The following SLC26A1 variants were observed in gnomAD, a reference collection of about 807,000 sequenced individuals.
The protein encoded by SLC26A1 is solute carrier family 26 member 1.
Under a neutral mutation model 14.5 loss-of-function variants are expected in SLC26A1, and 18 were observed. The ratio of observed to expected loss-of-function variants is 1.24; its 90% CI spans 0.86 to 1.84. The LOEUF (loss-of-function observed/expected upper bound fraction) is 1.84. Ranked by LOEUF, SLC26A1 falls within the 40% of genes most tolerant of loss-of-function variation. The pLI is 0.00. For synonymous variants in SLC26A1, 505 were observed against 492.0 expected, an observed-to-expected ratio of 1.03 and a Z score of -0.35; for missense variants, 1,049 against 1,020.0, an observed-to-expected ratio of 1.03 and a Z score of -0.39.
rs1483773039 is a variant in SLC26A1 at position 991,134 on chromosome 4, A to T, written c.570T>A (p.Leu190=). ...VATALTLMTG[L]YQVLMGVLRL... ...CCCAAGCAGGGCTCCTCACCTGGTA[A>T]AGCCCGGTCATCAGCGTGAGGGCGG... Residue 190 remains leucine, a synonymous_variant, in exon 2 of 3, where the codon CTT becomes CTA. Coordinates refer to ENST00000398516, the MANE Select transcript of SLC26A1 (RefSeq NM_022042.4). 2.0e-6 allele frequency: 3 copies of T among 1,538,452 alleles called. No individual in the cohort carries two copies. In the South Asian group the frequency reaches 3.8e-5, roughly 19 times the overall value.
chr4:980,552 C>CT (rs1431290899), intron 2 of SLC26A1, among the ~76,000 whole-genome samples: 8 of 148,328 alleles, frequency 5.4e-5, no homozygotes, highest in Non-Finnish European at 1.0e-4. Context: ...CGCCACTGCA[C>CT]TCCAGCCTGG....
At chr4:987,415 C>T (rs1400643510), downstream of SLC26A1, among the ~76,000 whole-genome samples, 1 of 152,164 alleles carries the variant, frequency 6.6e-6, no homozygotes, top group African/African-American at 2.4e-5. Flanking sequence ...GAGTGGGCGC[C>T]GGGGCGTGAG....
intron 2 of SLC26A1, among the ~76,000 whole-genome samples, chr4:981,713 CTCT>C (rs1448448350): frequency 1.3e-5 from 2 of 152,232 alleles, no homozygotes; most frequent in African/African-American, 2.4e-5. Flanking sequence ...CATTGGCAGC[CTCT>C]TCTTAGCCGG....
rs1714054773 is a variant in SLC26A1 at position 989,523 on chromosome 4, C to T, written c.1416G>A (p.Leu472=). 1 of 1,554,572 alleles carries T rather than the reference C, an allele frequency of 6.4e-7. No homozygotes were observed. The highest frequency in any genetic ancestry group is 8.7e-7 in the Non-Finnish European group (1 of 1,149,926). Residue 472 remains leucine (L), a synonymous_variant, in exon 3 of 3, where the codon CTG becomes CTA. Coordinates refer to ENST00000398516, the MANE Select transcript of SLC26A1 (RefSeq NM_022042.4). ...RLWRMSPADA[L]VWAGTAATCM... The stretch of plus-strand genomic sequence containing the variant: ...AGGTGGCCGCGGTGCCTGCCCAGAC[C>T]AGCGCGTCAGCCGGGCTCATCCGCC...
chr4:979,502 C>G, exon 3 of SLC26A1: 1 of 1,613,520 alleles, frequency 6.2e-7, no homozygotes, highest in Non-Finnish European at 8.5e-7. Flanking sequence ...TACCCCAGGA[C>G]GTCTGGAAGG....
rs539959255 is a variant in SLC26A1, at chr4:988,303, G to A, written c.*530C>T. ...AGGTCTCATCGGTCACAGCACCCTGGGCCCTGACGCTGGTGCAGGTGGCCA... is the reference window on the plus strand; with the variant it reads ...AGGTCTCATCGGTCACAGCACCCTGAGCCCTGACGCTGGTGCAGGTGGCCA... On this transcript the variant is annotated 3_prime_UTR_variant, in exon 3 of 3. Coordinates refer to ENST00000398516, the MANE Select transcript of SLC26A1 (RefSeq NM_022042.4). The A allele has an allele frequency of 5.3e-5, 59 of 1,123,736 alleles. No homozygotes were observed. The African/African-American group carries it at 7.1e-4, about 14-fold the overall frequency. The allele number at this position is 1,123,736 out of a possible 1,614,324, so 69.6% of individuals were successfully genotyped here. A position where few individuals can be genotyped will look rare whatever the true frequency, so the allele number is the denominator to read the frequency against.
At position 989,463 on chromosome 4, in the gene SLC26A1, A is replaced by G; in HGVS notation, c.1476T>C (p.Ala492=). The G allele has an allele frequency of 1.3e-6, 2 of 1,554,004 alleles. No individual in the cohort carries two copies. Among genetic ancestry groups the G allele is most frequent in the Non-Finnish European group, 1.7e-6 (2 of 1,149,120 alleles). ...MLVSTEAGLL[A]GVILSLLSLA... ...GGCTGAGCAGCGAGAGGATGACGCC[A>G]GCCAGCAGCCCGGCCTCTGTGCTGA... Residue 492 remains alanine, a synonymous_variant, in exon 3 of 3, where the codon GCT becomes GCC. Transcript: ENST00000398516.
rs764697038 is a variant in SLC26A1, at chr4:990,041, C to T, written c.898G>A (p.Val300Met). 8 of 1,599,048 alleles carry T rather than the reference C, an allele frequency of 5.0e-6. No homozygotes were observed. Among genetic ancestry groups the T allele is most frequent in the Admixed American group, 3.4e-5 (2 of 58,794 alleles). ...VPLPTELLVI[V>M]VATLVSHFGQ... ...AAGTGCGACACGAGTGTGGCCACCACGATGACCAGCAGCTCCGTGGGCAGC... is the reference window on the plus strand; with the variant it reads ...AAGTGCGACACGAGTGTGGCCACCATGATGACCAGCAGCTCCGTGGGCAGC... Residue 300 changes from valine (V) to methionine (M), a missense_variant, in exon 3 of 3, where the codon GTG becomes ATG. Physicochemically the swap from Val to Met is conservative, Grantham distance 21. Coordinates refer to ENST00000398516, the MANE Select transcript of SLC26A1 (RefSeq NM_022042.4).
chr4:990,466 T>C, intron 2 of SLC26A1, 104 bp from the exon 3 acceptor site: 1 of 1,141,826 alleles, frequency 8.8e-7, no homozygotes, highest in Non-Finnish European at 1.2e-6. Context: ...GCACAGGACC[T>C]GACAATTCTG....
chr4:991,821 A>G (rs915390476), intron 1 of SLC26A1, 91 bp from the exon 2 acceptor site: 8 of 1,532,970 alleles, frequency 5.2e-6, no homozygotes, highest in Non-Finnish European at 7.0e-6. Context: ...CTTGGGGCGG[A>G]CCCCTCGCCC....
downstream of SLC26A1, among the ~76,000 whole-genome samples, chr4:986,218 A>AG (rs1024104244): frequency 6.6e-6 from 1 of 152,102 alleles, no homozygotes; most frequent in Non-Finnish European, 1.5e-5. Context: ...CACCGCACCA[A>AG]GCCTGTTCTT....
In SLC26A1 at chr4:989,367, A is replaced by T; in HGVS notation, c.1572T>A (p.Asp524Glu). The part of the protein sequence containing the change: ...ARIGDTAFYE[D>E]ATEFEGLVPE... ...GGACGAGGCCCTCGAACTCTGTGGC[A>T]TCCTCGTAGAAGGCCGTGTCCCCGA... Residue 524 changes from aspartate (D) to glutamate (E), a missense_variant, in exon 3 of 3, where the codon GAT becomes GAA. Transcript: ENST00000398516. 1 of 1,588,016 alleles carries T rather than the reference A, an allele frequency of 6.3e-7. No homozygotes were observed. The highest frequency in any genetic ancestry group is 8.6e-7 in the Non-Finnish European group (1 of 1,167,700).
Position 989,858 on chromosome 4 carries a change from C to T in SLC26A1, c.1081G>A (p.Glu361Lys). The change falls in exon 3 of 3, where the codon GAG becomes AAG. Residue 361 changes from glutamate to lysine, a missense_variant. Physicochemically the swap from Glu to Lys is moderately conservative, Grantham distance 56 (BLOSUM62 1). Coordinates refer to ENST00000398516, the MANE Select transcript of SLC26A1 (RefSeq NM_022042.4). Reference sequence around the variant, plus strand: ...TAGCCGTGACTGCGGGCGAACATCTCCGCCAGCGAGATGGAGAAGGCGGCA... The same window carrying T: ...TAGCCGTGACTGCGGGCGAACATCTTCGCCAGCGAGATGGAGAAGGCGGCA... ...VAAAFSISLA[E>K]MFARSHGYSV... is the part of the protein sequence containing the mutation. The T allele has an allele frequency of 1.3e-6, 2 of 1,576,700 alleles. No homozygotes were observed. The highest frequency in any genetic ancestry group is 1.7e-6 in the Non-Finnish European group (2 of 1,162,198).
At chr4:982,065 C>T (rs1484138509) in intron 2 of SLC26A1, among the ~76,000 whole-genome samples, 2 of 151,954 alleles carry the variant, frequency 1.3e-5, no homozygotes, top group South Asian at 2.1e-4. Flanking sequence ...ATGATCCGCC[C>T]GTCTCGGCCT....
chr4:992,510 G>A (rs1714446032), intron 1 of SLC26A1, among the ~76,000 whole-genome samples: 1 of 152,226 alleles, frequency 6.6e-6, no homozygotes, highest in African/African-American at 2.4e-5. Context: ...GCCTGGACGG[G>A]GGCCCCATCA....
intron 2 of SLC26A1, chr4:979,644 G>A (rs1041095281): frequency 2.8e-6 from 3 of 1,075,052 alleles, no homozygotes; most frequent in Non-Finnish European, 2.7e-6. Flanking sequence ...GCGGAGGCGG[G>A]GTGGGAGCCC....
At position 988,531 on chromosome 4, in the gene SLC26A1, C is replaced by T. The variant is rs936024675; in HGVS notation, c.*302G>A. ...GACCCTTGTTCAAATAAGATGTCAACCCTGAGCGTCAGGTCAGGCCCATCC... is the reference window on the plus strand; with the variant it reads ...GACCCTTGTTCAAATAAGATGTCAATCCTGAGCGTCAGGTCAGGCCCATCC... On this transcript the variant is annotated 3_prime_UTR_variant, in exon 3 of 3. Coordinates refer to ENST00000398516, the MANE Select transcript of SLC26A1 (RefSeq NM_022042.4). 4 of 1,220,448 alleles carry T rather than the reference C, an allele frequency of 3.3e-6. No homozygotes were observed. In the African/African-American group the frequency reaches 4.7e-5, roughly 14 times the overall value. 75.6% of individuals were successfully genotyped at this position (1,220,448 alleles called of 1,614,324 possible).
chr4:991,219 A>T lies in SLC26A1; in HGVS notation c.485T>A (p.Leu162His), dbSNP rs1312315688. ...GTCCAGCATGGCAGCCGAGCCGTTGAGGGTGCTGCTGTTGGCTCCGGGCTG... is the reference window on the plus strand; with the variant it reads ...GTCCAGCATGGCAGCCGAGCCGTTGTGGGTGCTGCTGTTGGCTCCGGGCTG... ...GLQPGANSST[L>H]NGSAAMLDCG... Residue 162 changes from leucine to histidine, a missense_variant, in exon 2 of 3, where the codon CTC (leucine) becomes CAC (histidine). By Grantham distance (99) the Leu-to-His change is moderately conservative. Transcript: ENST00000398516. The T allele has an allele frequency of 1.9e-6, 3 of 1,609,664 alleles. No individual in the cohort carries two copies. The East Asian group carries it at 6.7e-5, about 36-fold the overall frequency.
chr4:991,466 C>A lies in SLC26A1; in HGVS notation c.238G>T (p.Gly80Cys). 1.2e-6 allele frequency: 2 copies of A among 1,612,480 alleles called. No homozygotes were observed. The highest frequency in any genetic ancestry group is 1.7e-6 in the Non-Finnish European group (2 of 1,179,696). Residue 80 changes from glycine (G) to cysteine (C), a missense_variant, in exon 2 of 3, where the codon GGC becomes TGC. By Grantham distance (159) the Gly-to-Cys change is radical. Transcript: ENST00000398516. The stretch of plus-strand genomic sequence containing the variant: ...ATGGCCTGCGGCACCAGGATGATGC[C>A]GATGACCAGCCCAGACATGACGTCG... ...AGDVMSGLVIGIILVPQAIAY... is the reference protein window; with the variant it reads ...AGDVMSGLVICIILVPQAIAY...
Sources: gnomAD v4.1 joint callset for allele counts (sites outside exome capture counted in the v4.1 genomes callset) on GRCh38, gnomAD v4.1.1 for gene constraint, MANE v1.5 for transcripts, NCBI Gene and HGNC (gene_info 2026-07-23, HGNC 2026-07-21) for gene names.